The following RIMS1 variants were observed in gnomAD, a reference collection of about 807,000 sequenced individuals.
The protein encoded by RIMS1 is regulating synaptic membrane exocytosis 1.
In RIMS1, 83 loss-of-function variants were observed where a neutral mutation model predicts 214.1. The ratio of observed to expected loss-of-function variants is 0.39; its 90% confidence interval spans 0.32 to 0.47. RIMS1 has a LOEUF of 0.47. Ranked by LOEUF, RIMS1 falls within the 20% of genes least tolerant of loss-of-function variation. The pLI, the probability that RIMS1 is intolerant of heterozygous loss-of-function variation, is 0.99. For missense variants in RIMS1, 2,050 were observed against 2,161.8 expected (o/e 0.95, Z 1.03); for synonymous variants, 793 against 786.8 (o/e 1.01, Z -0.13).
chr6:72,107,726 T>C (rs2035049531), intron 4 of RIMS1, among the ~76,000 whole-genome samples: 1 of 152,148 alleles, frequency 6.6e-6, no homozygotes, highest in South Asian at 2.1e-4. Flanking sequence ...TTACACAAAA[T>C]ATACCAAATA....
At chr6:72,108,786 G>A (rs562239994) in intron 4 of RIMS1, among the ~76,000 whole-genome samples, 94 of 151,048 alleles carry the variant, frequency 6.2e-4, no homozygotes, top group Non-Finnish European at 1.1e-3. Flanking sequence ...TGCCATGCTG[G>A]TGTGCTGCAC....
intron 4 of RIMS1, among the ~76,000 whole-genome samples, chr6:72,150,405 G>A (rs1334023854): frequency 6.6e-6 from 1 of 152,128 alleles, no homozygotes; most frequent in South Asian, 2.1e-4. Flanking sequence ...GCTTGAAGGT[G>A]GGGTTTCACC....
At chr6:72,097,711 C>T (rs909140035) in intron 3 of RIMS1, among the ~76,000 whole-genome samples, 2 of 152,244 alleles carry the variant, frequency 1.3e-5, no homozygotes, top group Admixed American at 1.3e-4. Flanking sequence ...ATTTGCACTT[C>T]TCATTTTCTT....
intron 7 of RIMS1, 35 bp from the exon 8 acceptor site, chr6:72,235,583 T>G (rs1290176576): frequency 7.5e-7 from 1 of 1,339,278 alleles, no homozygotes; most frequent in Admixed American, 1.8e-5. Flanking sequence ...ACATTCTGTA[T>G]ATATTACTTT....
intron 2 of RIMS1, among the ~76,000 whole-genome samples, chr6:72,039,780 G>A (rs74711251): frequency 2.2e-4 from 33 of 152,070 alleles, no homozygotes; most frequent in African/African-American, 7.7e-4. Flanking sequence ...CCCAAAGGAA[G>A]TTTTAGCCCA....
chr6:71,967,347 C>T (rs1338619154), intron 1 of RIMS1, among the ~76,000 whole-genome samples: 2 of 151,900 alleles, frequency 1.3e-5, no homozygotes, highest in Non-Finnish European at 2.9e-5. Flanking sequence ...GAGATTGCAC[C>T]ACTGCACTCC....
chr6:72,183,124 G>C lies in RIMS1; in HGVS notation c.1653G>C (p.Leu551=). Reference sequence around the variant, plus strand: ...ACACCAGCTGCGAGGACGTGGAGCTGGAGAGCGAGAGCGTCAGCGAGAAAG... The same window carrying C: ...ACACCAGCTGCGAGGACGTGGAGCTCGAGAGCGAGAGCGTCAGCGAGAAAG... ...PEYTSCEDVE[L]ESESVSEKGD... Residue 551 remains leucine (L), a synonymous_variant, in exon 6 of 34, where the codon CTG becomes CTC. Coordinates refer to ENST00000521978, the MANE Select transcript of RIMS1 (RefSeq NM_014989.7). 6.3e-7 allele frequency: 1 copy of C among 1,592,154 alleles called. No homozygotes were observed. The highest frequency in any genetic ancestry group is 8.5e-7 in the Non-Finnish European group (1 of 1,170,526).
chr6:71,902,425 CT>C (rs1485486846), intron 1 of RIMS1, among the ~76,000 whole-genome samples: 2 of 152,028 alleles, frequency 1.3e-5, no homozygotes, highest in Non-Finnish European at 2.9e-5. Flanking sequence ...ATAAGAGAGG[CT>C]TTTTGGCCCA....
rs772465568 is a variant in RIMS1 at position 72,219,250 on chromosome 6, A to T, written c.1679-14523A>T. Among the ~76,000 whole-genome samples the T allele has an allele frequency of 1.3e-3, 192 of 152,200 alleles. 2 individuals are homozygous for T. The highest frequency in any genetic ancestry group is 6.1e-3 in the Admixed American group (93 of 15,284). ...TACATTAATGAAGGAATTTGTAATT[A>T]TTTGATACTATGATAATTGTCAAGA... On this transcript the variant is annotated intron_variant, in intron 6 of 33. Coordinates refer to ENST00000521978, the MANE Select transcript of RIMS1 (RefSeq NM_014989.7).
intron 4 of RIMS1, among the ~76,000 whole-genome samples, chr6:72,177,570 A>G (rs1249126437): frequency 2.0e-5 from 3 of 152,238 alleles, no homozygotes; most frequent in African/African-American, 4.8e-5. Flanking sequence ...CCTACTTTAA[A>G]TGATGATAAT....
At chr6:71,977,495 A>G (rs1395637883) in intron 2 of RIMS1, among the ~76,000 whole-genome samples, 3 of 152,128 alleles carry the variant, frequency 2.0e-5, no homozygotes, top group East Asian at 1.9e-4. Flanking sequence ...AGCTTGGAGT[A>G]TGGGAGGAGA....
chr6:72,233,647 A>G (rs776057435), intron 6 of RIMS1, 126 bp from the exon 7 acceptor site: 102 of 727,462 alleles, frequency 1.4e-4, no homozygotes, highest in Non-Finnish European at 2.3e-4. Flanking sequence ...GGTGTGCATC[A>G]TTCTGCGATG....
In RIMS1 at chr6:72,126,529, A is replaced by G. The variant is rs372507386; in HGVS notation, c.471+26543A>G. ...AGCTTCACAAACTATGCATTCAACA[A>G]AGGACTAATATCCTAAATCTACAAG... On this transcript the variant is annotated intron_variant, in intron 4 of 33. Coordinates refer to ENST00000521978, the MANE Select transcript of RIMS1 (RefSeq NM_014989.7). Among the ~76,000 whole-genome samples the G allele has an allele frequency of 7.2e-5, 11 of 152,198 alleles. No homozygotes were observed. In the East Asian group the frequency reaches 2.1e-3, roughly 29 times the overall value.
At chr6:71,925,073 G>A (rs913621205) in intron 1 of RIMS1, among the ~76,000 whole-genome samples, 1 of 152,054 alleles carries the variant, frequency 6.6e-6, no homozygotes, top group Non-Finnish European at 1.5e-5. Context: ...ACTGCTTATT[G>A]GAAATTGGTA....
chr6:72,147,478 G>A (rs905525332), intron 4 of RIMS1, among the ~76,000 whole-genome samples: 6 of 152,268 alleles, frequency 3.9e-5, no homozygotes, highest in African/African-American at 1.4e-4. Flanking sequence ...TCTATCCTGG[G>A]GGTTCCATGA....
chr6:72,267,918 C>CTACATA (rs1419454293), intron 22 of RIMS1, among the ~76,000 whole-genome samples: 1 of 151,982 alleles, frequency 6.6e-6, no homozygotes, highest in African/African-American at 2.4e-5. Flanking sequence ...TATATTCACT[C>CTACATA]TACATATTGA....
intron 6 of RIMS1, among the ~76,000 whole-genome samples, chr6:72,211,452 A>G (rs1315861479): frequency 1.3e-5 from 2 of 152,216 alleles, no homozygotes; most frequent in South Asian, 2.1e-4. Context: ...TTTACAAGAT[A>G]TAATTGTGAG....
chr6:71,894,021 T>C (rs1770822963), intron 1 of RIMS1, among the ~76,000 whole-genome samples: 1 of 152,232 alleles, frequency 6.6e-6, no homozygotes, highest in African/African-American at 2.4e-5. Context: ...CCCAAATTCT[T>C]CATTTATAAC....
At chr6:72,075,409 C>CT (rs1831572742) in intron 2 of RIMS1, among the ~76,000 whole-genome samples, 3 of 151,718 alleles carry the variant, frequency 2.0e-5, no homozygotes, top group Admixed American at 2.0e-4. Context: ...TACTCAGCCT[C>CT]TTTAAGTATT....
Sources: allele counts gnomAD v4.1 joint callset (sites outside exome capture counted in the v4.1 genomes callset), GRCh38; gene constraint gnomAD v4.1.1; transcripts MANE v1.5; gene names NCBI Gene and HGNC (gene_info 2026-07-23, HGNC 2026-07-21).